The following GREB1L variants were observed in gnomAD, a reference collection of about 807,000 sequenced individuals.
GREB1L encodes GREB1 like retinoic acid receptor coactivator.
A neutral mutation model predicts 200.8 loss-of-function variants in GREB1L; 17 were observed. That is an observed-to-expected ratio of 0.08 (90% CI 0.06 to 0.13). The LOEUF (loss-of-function observed/expected upper bound fraction) is 0.13, where lower values mean the gene tolerates loss of function less well. GREB1L is among the 10% of genes least tolerant of loss of function. GREB1L has a pLI of 1.00. For missense variants in GREB1L, 1,657 were observed against 2,367.7 expected, an observed-to-expected ratio of 0.70 and a Z score of 6.23; for synonymous variants, 789 against 893.0, an observed-to-expected ratio of 0.88 and a Z score of 2.08.
rs4800747 is a variant in GREB1L at position 21,499,892 on chromosome 18, A to G, written c.3555A>G (p.Glu1185=). The G allele has an allele frequency of 1, 1,545,788 of 1,550,328 alleles. 770,735 individuals carry two copies. Among genetic ancestry groups the G allele is most frequent in the East Asian group, 1 (40,855 of 40,856 alleles). ...GAGCCGGGGAGACTCTGAAGCAGGA[A>G]TGTGACTCCCTGGGCCCCCAGATGG... is the stretch of plus-strand genomic sequence containing the variant. The part of the protein sequence containing the change: ...GAGAGETLKQ[E]CDSLGPQMAS... The change falls in exon 22 of 33, where the codon GAA becomes GAG. Residue 1185 remains glutamate, a synonymous_variant. Transcript: ENST00000424526.
chr18:21,516,824 T>A lies in GREB1L; in HGVS notation c.5271+70T>A. On this transcript the variant is annotated intron_variant, in intron 30 of 32. Coordinates refer to ENST00000424526, the MANE Select transcript of GREB1L (RefSeq NM_001142966.3). ...GATAATGACTATCTTTGTTATTAGA[T>A]GTTGGCATTAAGCACTTTCTATTTT... 4 of 1,391,730 alleles carry A rather than the reference T, an allele frequency of 2.9e-6. No homozygotes were observed. The South Asian group carries it at 5.4e-5, about 19-fold the overall frequency. 86.2% of individuals were successfully genotyped at this position (1,391,730 alleles called of 1,614,324 possible). A position where few individuals can be genotyped will look rare whatever the true frequency, so the allele number is the denominator to read the frequency against.
intron 1 of GREB1L, among the ~76,000 whole-genome samples, chr18:21,300,328 T>C (rs769382287): frequency 1.3e-5 from 2 of 152,192 alleles, no homozygotes; most frequent in Non-Finnish European, 1.5e-5. Context: ...AAACATGAAG[T>C]TGATTTTGAA....
chr18:21,344,455 A>G (rs1201885938), intron 1 of GREB1L, among the ~76,000 whole-genome samples: 1 of 146,212 alleles, frequency 6.8e-6, no homozygotes, highest in Middle Eastern at 3.4e-3. Flanking sequence ...AGTGTTAGAC[A>G]TTTGGCTTGT....
chr18:21,427,774 G>A (rs1238350790), intron 7 of GREB1L, among the ~76,000 whole-genome samples: 1 of 152,090 alleles, frequency 6.6e-6, no homozygotes. Context: ...TCCTATATTC[G>A]GGATCATGTC....
intron 1 of GREB1L, among the ~76,000 whole-genome samples, chr18:21,321,002 G>A (rs1448166493): frequency 6.6e-6 from 1 of 152,088 alleles, no homozygotes; most frequent in Non-Finnish European, 1.5e-5. Context: ...AATATTTAAA[G>A]ATGTAACTTG....
At chr18:21,273,859 T>C (rs903272727) in intron 1 of GREB1L, among the ~76,000 whole-genome samples, 14 of 152,154 alleles carry the variant, frequency 9.2e-5, no homozygotes, top group Admixed American at 2.0e-4. Context: ...CTCCAGACCA[T>C]GGTAAGGCCA....
intron 16 of GREB1L, among the ~76,000 whole-genome samples, chr18:21,475,699 G>T (rs1436748948): frequency 6.6e-6 from 1 of 151,862 alleles, no homozygotes; most frequent in Non-Finnish European, 1.5e-5. Context: ...GGGTGCGGTG[G>T]CTCACACCTA....
chr18:21,272,643 A>G (rs980186034), intron 1 of GREB1L, among the ~76,000 whole-genome samples: 3 of 152,162 alleles, frequency 2.0e-5, no homozygotes, highest in African/African-American at 7.2e-5. Context: ...ACCTCTCCAG[A>G]CAATAAGCAG....
At position 21,500,090 on chromosome 18, in the gene GREB1L, A is replaced by ATCC. The variant is rs2036718533; in HGVS notation, c.3763_3765dup (p.Ser1255dup). On this transcript the variant is annotated inframe_insertion, in exon 22 of 33. Transcript: ENST00000424526. Reference sequence around the variant, plus strand: ...GCTCCCAGAAGAGTGGCAAGCTGCCATCCTCCTCCTCCCTGCTGCCCCACG... The same window carrying ATCC: ...GCTCCCAGAAGAGTGGCAAGCTGCCATCCTCCTCCTCCTCCCTGCTGCCCCACG... The ATCC allele has an allele frequency of 6.4e-7, 1 of 1,551,706 alleles. No homozygotes were observed. Among genetic ancestry groups the ATCC allele is most frequent in the Non-Finnish European group, 8.7e-7 (1 of 1,147,008 alleles).
intron 2 of GREB1L, among the ~76,000 whole-genome samples, chr18:21,372,695 G>T (rs1393798936): frequency 1.3e-5 from 2 of 151,972 alleles, no homozygotes; most frequent in Non-Finnish European, 2.9e-5. Flanking sequence ...GCCGAGGCGG[G>T]TGGATCACCT....
chr18:21,248,933 T>A (rs2037651501), intron 1 of GREB1L, among the ~76,000 whole-genome samples: 1 of 151,856 alleles, frequency 6.6e-6, no homozygotes, highest in Non-Finnish European at 1.5e-5. Context: ...AACTCTTTGA[T>A]TTGGAAATTT....
chr18:21,435,376 T>C (rs1414728833), intron 7 of GREB1L, among the ~76,000 whole-genome samples: 2 of 152,176 alleles, frequency 1.3e-5, no homozygotes, highest in Non-Finnish European at 2.9e-5. Context: ...AAAGATAAGG[T>C]TCAATCCCTG....
intron 5 of GREB1L, among the ~76,000 whole-genome samples, chr18:21,397,606 C>G (rs1215680501): frequency 1.3e-5 from 2 of 151,690 alleles, no homozygotes; most frequent in Non-Finnish European, 2.9e-5. Context: ...GAGGCTGAGG[C>G]AGGAGAATAG....
chr18:21,302,990 G>A (rs1235024546), intron 1 of GREB1L, among the ~76,000 whole-genome samples: 3 of 152,020 alleles, frequency 2.0e-5, no homozygotes, highest in African/African-American at 7.3e-5. Flanking sequence ...GAAAGTGCTG[G>A]GATTACAGGC....
intron 1 of GREB1L, among the ~76,000 whole-genome samples, chr18:21,292,206 A>C (rs2038460966): frequency 6.6e-6 from 1 of 152,186 alleles, no homozygotes; most frequent in Non-Finnish European, 1.5e-5. Flanking sequence ...TCAATAAGTA[A>C]CTGTCCAGCA....
At chr18:21,376,086 A>G (rs1220600805) in intron 2 of GREB1L, among the ~76,000 whole-genome samples, 2 of 152,070 alleles carry the variant, frequency 1.3e-5, no homozygotes, top group Non-Finnish European at 2.9e-5. Flanking sequence ...ATCACTGAGG[A>G]GGGCATTTCT....
At chr18:21,405,113 T>C (rs1301340301) in intron 7 of GREB1L, among the ~76,000 whole-genome samples, 3 of 152,206 alleles carry the variant, frequency 2.0e-5, no homozygotes, top group East Asian at 3.8e-4. Flanking sequence ...TCTTCCTGGA[T>C]TGTAAAAAGT....
chr18:21,503,526 T>C (rs973947702), intron 23 of GREB1L, among the ~76,000 whole-genome samples: 3 of 150,646 alleles, frequency 2.0e-5, no homozygotes, highest in South Asian at 2.1e-4. Context: ...AATATAATGT[T>C]AGACACCAGC....
intron 1 of GREB1L, among the ~76,000 whole-genome samples, chr18:21,357,294 C>A (rs1442104542): frequency 6.6e-6 from 1 of 152,184 alleles, no homozygotes; most frequent in African/African-American, 2.4e-5. Context: ...CCTCGTGATC[C>A]GCCCGCCTCA....
Sources: gnomAD v4.1 joint callset for allele counts (sites outside exome capture counted in the v4.1 genomes callset) on GRCh38, gnomAD v4.1.1 for gene constraint, MANE v1.5 for transcripts, NCBI Gene and HGNC (gene_info 2026-07-23, HGNC 2026-07-21) for gene names.